The following NUBPL variants were observed in gnomAD, a reference collection of about 807,000 sequenced individuals.
The protein encoded by NUBPL is NUBP iron-sulfur cluster assembly factor, mitochondrial, also known as iron-sulfur cluster transfer protein NUBPL.
Under a neutral mutation model 45.7 loss-of-function variants are expected in NUBPL, and 31 were observed. The ratio of observed to expected loss-of-function variants is 0.68; its 90% CI spans 0.51 to 0.92. NUBPL has a LOEUF of 0.92. Ranked by LOEUF, NUBPL falls within the 40% of genes least tolerant of loss-of-function variation. NUBPL has a pLI of 0.00. For synonymous variants in NUBPL, 144 were observed against 140.9 expected (o/e 1.02, Z -0.15); for missense variants, 401 against 398.7 (o/e 1.01, Z -0.05).
intron 9 of NUBPL, among the ~76,000 whole-genome samples, chr14:31,847,094 A>G (rs2040465697): frequency 6.6e-6 from 1 of 152,316 alleles, no homozygotes; most frequent in South Asian, 2.1e-4. Context: ...GTCAACTATG[A>G]TAATTTCTAT....
rs149969241 is a variant in NUBPL at position 31,629,489 on chromosome 14, G to C, written c.382+30110G>C. The stretch of plus-strand genomic sequence containing the variant: ...GTAAAACTTCTATTTTTACAAAAAT[G>C]TACCAAGTGATAATTAACTAAGACA... On this transcript the variant is annotated intron_variant, in intron 4 of 10. Transcript: ENST00000281081. Among the ~76,000 whole-genome samples, 320 of 152,236 alleles carry C rather than the reference G, an allele frequency of 2.1e-3. 1 individual carries two copies. Among genetic ancestry groups the C allele is most frequent in the African/African-American group, 7.3e-3 (305 of 41,540 alleles).
rs1043431214 is a variant in NUBPL at position 31,733,362 on chromosome 14, A to G, written c.514-54418A>G. On this transcript the variant is annotated intron_variant, in intron 6 of 10. Transcript: ENST00000281081. ...ATGTATATTTCCATAGCAATTTTAGAATTAGCCTGTTAATTTCTGCTAGGA... is the reference window on the plus strand; with the variant it reads ...ATGTATATTTCCATAGCAATTTTAGGATTAGCCTGTTAATTTCTGCTAGGA... 3.9e-5 allele frequency among the ~76,000 whole-genome samples: 6 copies of G among 152,146 alleles called. No individual in the cohort carries two copies. In the East Asian group the frequency reaches 1.2e-3, roughly 29 times the overall value.
At chr14:31,695,030 A>T (rs1255101572) in intron 6 of NUBPL, among the ~76,000 whole-genome samples, 2 of 152,248 alleles carry the variant, frequency 1.3e-5, no homozygotes, top group Non-Finnish European at 2.9e-5. Flanking sequence ...TATTTAAGGC[A>T]ATCAAAGTTG....
At chr14:31,612,529 C>T (rs2139603827) in intron 4 of NUBPL, among the ~76,000 whole-genome samples, 1 of 152,248 alleles carries the variant, frequency 6.6e-6, no homozygotes, top group South Asian at 2.1e-4. Flanking sequence ...GGCGTGGTGG[C>T]ATGTGCCTGT....
intron 6 of NUBPL, among the ~76,000 whole-genome samples, chr14:31,749,864 A>C (rs1488733731): frequency 6.6e-6 from 1 of 152,126 alleles, no homozygotes; most frequent in Non-Finnish European, 1.5e-5. Context: ...GTGGTGTCTC[A>C]TAAGTCCTGT....
At chr14:31,720,975 T>A (rs992854554) in intron 6 of NUBPL, among the ~76,000 whole-genome samples, 1 of 152,218 alleles carries the variant, frequency 6.6e-6, no homozygotes, top group African/African-American at 2.4e-5. Flanking sequence ...ACACCAAGCC[T>A]TTTTCTTTTT....
chr14:31,663,573 C>A (rs573912667), intron 4 of NUBPL, among the ~76,000 whole-genome samples: 72 of 152,194 alleles, frequency 4.7e-4, no homozygotes, highest in African/African-American at 1.7e-3. Flanking sequence ...ATTTCTCAGG[C>A]CTCTGTTCTG....
chr14:31,599,924 C>CT (rs34188934), intron 4 of NUBPL, among the ~76,000 whole-genome samples: 38,685 of 135,178 alleles, frequency 0.29, 6,416 homozygotes, highest in South Asian at 0.43. Context: ...AGTTTTTTTT[C>CT]TTTTTTTTTT....
chr14:31,575,644 A>T (rs2033697572), intron 3 of NUBPL, among the ~76,000 whole-genome samples: 1 of 152,228 alleles, frequency 6.6e-6, no homozygotes, highest in South Asian at 2.1e-4. Context: ...GTTCAAGTTT[A>T]TAAGGTTGGA....
intron 7 of NUBPL, among the ~76,000 whole-genome samples, chr14:31,801,824 C>T (rs905124223): frequency 5.3e-5 from 8 of 152,164 alleles, no homozygotes; most frequent in African/African-American, 1.9e-4. Flanking sequence ...CAGGGAACAG[C>T]AGAAGTGGTA....
chr14:31,593,083 C>T (rs112722459), intron 3 of NUBPL, among the ~76,000 whole-genome samples: 1,635 of 151,912 alleles, frequency 0.011, 24 homozygotes, highest in African/African-American at 0.037. Flanking sequence ...AAAAGTAATA[C>T]AAATAAAAAT....
chr14:31,681,356 A>T lies in NUBPL; in HGVS notation c.513+7782A>T, dbSNP rs185386799. Among the ~76,000 whole-genome samples, 197 of 151,888 alleles carry T rather than the reference A, an allele frequency of 1.3e-3. 1 individual carries two copies. Among genetic ancestry groups the T allele is most frequent in the African/African-American group, 4.6e-3 (193 of 41,526 alleles). ...TGAAATTTGTTCATAATATTTTCTT[A>T]TGTTTTTAAATGGATATGGGATGTA... On this transcript the variant is annotated intron_variant, in intron 6 of 10. Transcript: ENST00000281081.
intron 7 of NUBPL, among the ~76,000 whole-genome samples, chr14:31,808,375 C>T (rs1226787992): frequency 2.6e-5 from 4 of 152,164 alleles, no homozygotes; most frequent in Non-Finnish European, 2.9e-5. Flanking sequence ...ATTTTATTCT[C>T]TTTGTAGCAA....
intron 8 of NUBPL, among the ~76,000 whole-genome samples, chr14:31,828,276 T>A (rs1171634292): frequency 6.6e-6 from 1 of 152,206 alleles, no homozygotes; most frequent in Non-Finnish European, 1.5e-5. Context: ...AAGTAATGCC[T>A]ACCCAGATAA....
At chr14:31,665,588 A>G (rs970053507) in intron 4 of NUBPL, among the ~76,000 whole-genome samples, 3 of 152,078 alleles carry the variant, frequency 2.0e-5, no homozygotes, top group African/African-American at 7.2e-5. Context: ...ATGGTGTGAG[A>G]GAGAGACTGT....
intron 7 of NUBPL, among the ~76,000 whole-genome samples, chr14:31,824,589 A>T (rs1030013376): frequency 6.6e-6 from 1 of 152,216 alleles, no homozygotes; most frequent in African/African-American, 2.4e-5. Context: ...ATGAATTTAC[A>T]GCTAACTACT....
chr14:31,777,657 A>C (rs1358438361), intron 6 of NUBPL, among the ~76,000 whole-genome samples: 4 of 152,236 alleles, frequency 2.6e-5, no homozygotes, highest in African/African-American at 9.6e-5. Context: ...GACATTGGAA[A>C]TTCCACCCAA....
chr14:31,659,109 A>G (rs2036209607), intron 4 of NUBPL, among the ~76,000 whole-genome samples: 1 of 152,216 alleles, frequency 6.6e-6, no homozygotes, highest in Admixed American at 6.5e-5. Flanking sequence ...CCCCAACTGT[A>G]AAATGGAGAT....
At chr14:31,854,622 A>G (rs2040589109) in intron 10 of NUBPL, among the ~76,000 whole-genome samples, 2 of 152,200 alleles carry the variant, frequency 1.3e-5, no homozygotes, top group African/African-American at 4.8e-5. Flanking sequence ...TTTGAGCTAG[A>G]TATAATTATT....
Sources: allele counts gnomAD v4.1 joint callset (sites outside exome capture counted in the v4.1 genomes callset), GRCh38; gene constraint gnomAD v4.1.1; transcripts MANE v1.5; gene names NCBI Gene and HGNC (gene_info 2026-07-23, HGNC 2026-07-21).